The following CUX2 variants were observed in gnomAD, a reference collection of about 807,000 sequenced individuals.
The protein encoded by CUX2 is homeobox protein cut-like 2.
CUX2 carries 40 observed loss-of-function variants against 144.8 expected under a neutral mutation model. That is an observed-to-expected ratio of 0.28 (90% CI 0.21 to 0.36). The LOEUF (loss-of-function observed/expected upper bound fraction) is 0.36, where lower values mean the gene tolerates loss of function less well. CUX2 is among the 10% of genes least tolerant of loss of function. The pLI is 1.00. For missense variants in CUX2, 1,615 were observed against 1,994.0 expected (o/e 0.81, Z 3.62); for synonymous variants, 827 against 875.6 (o/e 0.94, Z 0.98).
At chr12:111,038,099 GAGCA>G (rs2135999348) in intron 1 of CUX2, among the ~76,000 whole-genome samples, 1 of 152,344 alleles carries the variant, frequency 6.6e-6, no homozygotes, top group Non-Finnish European at 1.5e-5. Flanking sequence ...TGGCGCAGGA[GAGCA>G]AGATGGTGCT....
chr12:111,336,667 C>T (rs569528773), intron 19 of CUX2, among the ~76,000 whole-genome samples: 6 of 151,868 alleles, frequency 4.0e-5, no homozygotes, highest in Admixed American at 1.3e-4. Flanking sequence ...AGACTGGTCA[C>T]GAACTCTTGA....
intron 1 of CUX2, among the ~76,000 whole-genome samples, chr12:111,060,922 G>A: frequency 6.6e-6 from 1 of 152,204 alleles, no homozygotes; most frequent in Middle Eastern, 3.2e-3. Flanking sequence ...CAAGTGCCAG[G>A]GACAAAGATG....
intron 3 of CUX2, among the ~76,000 whole-genome samples, chr12:111,235,877 G>T (rs1882715901): frequency 6.6e-6 from 1 of 152,108 alleles, no homozygotes; most frequent in South Asian, 2.1e-4. Context: ...AGGTTTTGGG[G>T]GCCAGTGGGA....
intron 1 of CUX2, among the ~76,000 whole-genome samples, chr12:111,194,700 G>A (rs996917829): frequency 6.6e-6 from 1 of 152,238 alleles, no homozygotes; most frequent in Non-Finnish European, 1.5e-5. Context: ...GAGGTCAACT[G>A]GGAACAGGTC....
intron 15 of CUX2, among the ~76,000 whole-genome samples, chr12:111,311,074 C>A (rs899630603): frequency 1.3e-5 from 2 of 152,210 alleles, no homozygotes; most frequent in African/African-American, 4.8e-5. Flanking sequence ...CCAGCTGTGG[C>A]CTCACAAATG....
chr12:111,123,816 G>A (rs1047272822), intron 1 of CUX2, among the ~76,000 whole-genome samples: 4 of 152,146 alleles, frequency 2.6e-5, no homozygotes, highest in East Asian at 3.9e-4. Context: ...GATTACAGGC[G>A]TGAGCCACCG....
chr12:111,169,489 G>T (rs73415916), intron 1 of CUX2, among the ~76,000 whole-genome samples: 2,434 of 152,272 alleles, frequency 0.016, 59 homozygotes, highest in African/African-American at 0.055. Flanking sequence ...AACCATACTC[G>T]TTTTATTCAA....
intron 3 of CUX2, among the ~76,000 whole-genome samples, chr12:111,225,081 G>T (rs10774616): frequency 0.4 from 60,902 of 151,714 alleles, 17,076 homozygotes; most frequent in African/African-American, 0.78. Flanking sequence ...AATTTTTGTA[G>T]TTTTTGTAGA....
intron 1 of CUX2, among the ~76,000 whole-genome samples, chr12:111,136,914 C>A (rs1436050300): frequency 6.6e-6 from 1 of 151,560 alleles, no homozygotes; most frequent in Non-Finnish European, 1.5e-5. Flanking sequence ...AAGATTTGGT[C>A]TAAGAATCCG....
At chr12:111,050,207 C>T (rs991184624) in intron 1 of CUX2, among the ~76,000 whole-genome samples, 1 of 150,100 alleles carries the variant, frequency 6.7e-6, no homozygotes, top group African/African-American at 2.4e-5. Flanking sequence ...TCTTCATTTT[C>T]CTCCTACCTC....
At chr12:111,224,005 C>T (rs1881993265) in intron 3 of CUX2, among the ~76,000 whole-genome samples, 1 of 152,122 alleles carries the variant, frequency 6.6e-6, no homozygotes, top group South Asian at 2.1e-4. Context: ...TGGCTTGAGA[C>T]TACTGTAAGG....
chr12:111,321,121 C>A (rs1410480581), intron 17 of CUX2, among the ~76,000 whole-genome samples: 1 of 151,982 alleles, frequency 6.6e-6, no homozygotes, highest in East Asian at 1.9e-4. Flanking sequence ...CTCTTGAGCC[C>A]AGAAGTTTGA....
intron 3 of CUX2, among the ~76,000 whole-genome samples, chr12:111,244,371 G>A (rs1260412219): frequency 6.6e-6 from 1 of 152,224 alleles, no homozygotes; most frequent in Non-Finnish European, 1.5e-5. Flanking sequence ...TCTTCTGGGT[G>A]CTTGTCCCGT....
chr12:111,320,127 G>C lies in CUX2; in HGVS notation c.2118G>C (p.Ala706=). The C allele has an allele frequency of 1.9e-6, 3 of 1,555,186 alleles. No homozygotes were observed. Among genetic ancestry groups the C allele is most frequent in the Non-Finnish European group, 2.6e-6 (3 of 1,153,890 alleles). The change falls in exon 17 of 22, where the codon GCG becomes GCC. Residue 706 remains alanine (A), a synonymous_variant. Transcript: ENST00000261726. The surrounding 1 kb of genome is among the most constrained non-coding windows in gnomAD (Gnocchi z 8.1). ...ILEQARREMQ[A]QQQALLEMEV... is the part of the protein sequence containing the mutation. ...AGCAGGCACGCCGTGAGATGCAGGC[G>C]CAACAGCAGGCGCTGCTGGAGATGG...
intron 18 of CUX2, among the ~76,000 whole-genome samples, chr12:111,328,599 T>TGTGA (rs1344433013): frequency 6.6e-6 from 1 of 151,354 alleles, no homozygotes; most frequent in East Asian, 1.9e-4. Flanking sequence ...TGTGTGTGTG[T>TGTGA]GTGTGTGTGT....
Position 111,312,809 on chromosome 12 carries a change from G to A in CUX2, c.2002+608G>A, listed in dbSNP as rs1644938324. Among the ~76,000 whole-genome samples the A allele has an allele frequency of 1.3e-5, 2 of 152,020 alleles. No individual in the cohort carries two copies. Among genetic ancestry groups the A allele is most frequent in the Non-Finnish European group, 2.9e-5 (2 of 68,020 alleles). ...CTGTTCATAGTCATGCCCAGCTGCCGTGCACTCCACCCTGCGCCTCTGATG... is the reference window on the plus strand; with the variant it reads ...CTGTTCATAGTCATGCCCAGCTGCCATGCACTCCACCCTGCGCCTCTGATG... On this transcript the variant is annotated intron_variant, in intron 16 of 21. Transcript: ENST00000261726. This position sits in a 1 kb window ranked among gnomAD's most constrained non-coding sequence, Gnocchi z 4.3.
At chr12:111,155,548 A>C (rs1378580903) in intron 1 of CUX2, among the ~76,000 whole-genome samples, 1 of 152,142 alleles carries the variant, frequency 6.6e-6, no homozygotes, top group Non-Finnish European at 1.5e-5. Flanking sequence ...TCATTGGGAA[A>C]ATTCCTCTGA....
At chr12:111,118,381 T>C (rs1375264650) in intron 1 of CUX2, among the ~76,000 whole-genome samples, 2 of 152,202 alleles carry the variant, frequency 1.3e-5, no homozygotes, top group Non-Finnish European at 2.9e-5. Context: ...AGTGCCCCTG[T>C]ACATCTCTCC....
Position 111,171,363 on chromosome 12 carries a change from C to T in CUX2, c.64-42837C>T, listed in dbSNP as rs1878509425. Among the ~76,000 whole-genome samples the T allele has an allele frequency of 6.6e-6, 1 of 152,182 alleles. No individual in the cohort carries two copies. Among genetic ancestry groups the T allele is most frequent in the South Asian group, 2.1e-4 (1 of 4,826 alleles). On this transcript the variant is annotated intron_variant, in intron 1 of 21. Coordinates refer to ENST00000261726, the MANE Select transcript of CUX2 (RefSeq NM_015267.4). The surrounding 1 kb of genome is among the most constrained non-coding windows in gnomAD (Gnocchi z 5.0). ...GCCTGCTGAGAGCACCAAAAACCTC[C>T]CCTTAATACCCAGACTCACTGCGGC...
Sources: gnomAD v4.1 joint callset for allele counts (sites outside exome capture counted in the v4.1 genomes callset) on GRCh38, gnomAD v4.1.1 for gene constraint, Gnocchi (gnomAD v3.1) non-coding constraint, MANE v1.5 for transcripts, NCBI Gene and HGNC (gene_info 2026-07-23, HGNC 2026-07-21) for gene names.